METTL2A: variants seen among roughly 807,000 people sequenced by gnomAD.
The protein encoded by METTL2A is methyltransferase 2A, tRNA N3-cytidine.
In METTL2A, 45 loss-of-function variants were observed where a neutral mutation model predicts 49.4. That is an observed-to-expected ratio of 0.91 (90% CI 0.72 to 1.17). The LOEUF (loss-of-function observed/expected upper bound fraction) is 1.17. Among genes scored for constraint, METTL2A ranks in the 50% most tolerant of loss-of-function variants. METTL2A has a pLI of 0.00. For missense variants in METTL2A, 361 were observed against 462.2 expected (o/e 0.78, Z 2.01); for synonymous variants, 118 against 167.5 (o/e 0.70, Z 2.28).
At chr17:62,427,120 C>T (rs1033143463) in intron 3 of METTL2A, among the ~76,000 whole-genome samples, 7 of 152,074 alleles carry the variant, frequency 4.6e-5, no homozygotes, top group Non-Finnish European at 8.8e-5. Context: ...GTTGCAGAGT[C>T]TAGACCTGGA....
chr17:62,449,192 A>C lies in METTL2A; in HGVS notation c.*463A>C, dbSNP rs1312582706. ...TCCATGTGAAAAAGTGTTACATATG[A>C]CAAGTGTTTTTTGACTGTAATTGCG... On this transcript the variant is annotated 3_prime_UTR_variant, in exon 9 of 9. Coordinates refer to ENST00000311506, the MANE Select transcript of METTL2A (RefSeq NM_181725.4). The C allele has an allele frequency of 3.7e-6, 1 of 267,316 alleles. No homozygotes were observed. Among genetic ancestry groups the C allele is most frequent in the Non-Finnish European group, 7.4e-6 (1 of 136,050 alleles). The allele number at this position is 267,316 out of a possible 1,614,324, so 16.6% of individuals were successfully genotyped here.
rs1396756918 is a variant in METTL2A, at chr17:62,450,247, C to CATTTTT, written c.*1518_*1519insATTTTT. ...TGTGATCATTATCAGTGTTAGATGC[C>CATTTTT]TTTTTTTTTTTTTTTTTTTTTTTTT... On this transcript the variant is annotated 3_prime_UTR_variant, in exon 9 of 9. Coordinates refer to ENST00000311506, the MANE Select transcript of METTL2A (RefSeq NM_181725.4). 1.4e-4 allele frequency: 11 copies of CATTTTT among 80,540 alleles called. 1 individual carries two copies. Among genetic ancestry groups the CATTTTT allele is most frequent in the Admixed American group, 3.8e-4 (2 of 5,320 alleles). The allele number at this position is 80,540 out of a possible 1,614,324, so 5.0% of individuals were successfully genotyped here. A position where few individuals can be genotyped will look rare whatever the true frequency, so the allele number is the denominator to read the frequency against.
rs181982029 is a variant in METTL2A at position 62,432,348 on chromosome 17, G to A, written c.609-2884G>A. ...CTTCATATTCACCTTTTCTGCATCC[G>A]AGGATTCAAGCAATCATGGATTGAA... On this transcript the variant is annotated intron_variant, in intron 4 of 8. Transcript: ENST00000311506. Among the ~76,000 whole-genome samples, 205 of 152,214 alleles carry A rather than the reference G, an allele frequency of 1.3e-3. 1 individual carries two copies. The Middle Eastern group carries it at 0.014, about 10-fold the overall frequency.
chr17:62,444,185 CAG>C (rs1253822078), intron 6 of METTL2A, among the ~76,000 whole-genome samples: 1 of 152,232 alleles, frequency 6.6e-6, no homozygotes, highest in Non-Finnish European at 1.5e-5. Flanking sequence ...ACTGGATGCT[CAG>C]GATTCAGCTC....
intron 4 of METTL2A, among the ~76,000 whole-genome samples, chr17:62,432,538 ACCTGTAAT>A (rs1247929069): frequency 6.6e-6 from 1 of 152,056 alleles, no homozygotes; most frequent in African/African-American, 2.4e-5. Context: ...TGTGGCTCAC[ACCTGTAAT>A]CCCAGCACTT....
chr17:62,428,935 C>T (rs1311750547), intron 4 of METTL2A, among the ~76,000 whole-genome samples: 8 of 152,160 alleles, frequency 5.3e-5, no homozygotes, highest in African/African-American at 1.9e-4. Flanking sequence ...AGACACATGC[C>T]ACCATACCCA....
At chr17:62,429,162 A>G in intron 4 of METTL2A, among the ~76,000 whole-genome samples, 1 of 152,224 alleles carries the variant, frequency 6.6e-6, no homozygotes, top group East Asian at 1.9e-4. Flanking sequence ...AATAGTTTTC[A>G]TACAACATAA....
intron 4 of METTL2A, among the ~76,000 whole-genome samples, chr17:62,429,074 C>T (rs2070647472): frequency 6.6e-6 from 1 of 152,092 alleles, no homozygotes; most frequent in South Asian, 2.1e-4. Context: ...GCATAAGTCA[C>T]CGTTCCCAGC....
chr17:62,425,017 T>C (rs2070614008), intron 2 of METTL2A, among the ~76,000 whole-genome samples: 1 of 149,916 alleles, frequency 6.7e-6, no homozygotes, highest in South Asian at 2.1e-4. Flanking sequence ...TGACAGCAAC[T>C]AGATCAAAGC....
chr17:62,448,790 A>T lies in METTL2A; in HGVS notation c.*61A>T. 1 of 1,601,144 alleles carries T rather than the reference A, an allele frequency of 6.2e-7. No homozygotes were observed. The highest frequency in any genetic ancestry group is 1.3e-5 in the African/African-American group (1 of 74,526). Reference sequence around the variant, plus strand: ...TGTTTCCGGGCTTTTTTAAAAAAAAAATTGTAGCACTGGGCGTGGTGCATG... The same window carrying T: ...TGTTTCCGGGCTTTTTTAAAAAAAATATTGTAGCACTGGGCGTGGTGCATG... On this transcript the variant is annotated 3_prime_UTR_variant, in exon 9 of 9. Transcript: ENST00000311506.
At chr17:62,428,167 A>G (rs62074035) in intron 4 of METTL2A, among the ~76,000 whole-genome samples, 5,136 of 152,298 alleles carry the variant, frequency 0.034, 106 homozygotes, top group Non-Finnish European at 0.051. Context: ...GTTAACATTT[A>G]GCGCCTTCTT....
At chr17:62,434,132 T>C (rs1166743824) in intron 4 of METTL2A, among the ~76,000 whole-genome samples, 1 of 152,164 alleles carries the variant, frequency 6.6e-6, no homozygotes, top group African/African-American at 2.4e-5. Context: ...TTCGGAGCAG[T>C]GCTGTGGAAT....
intron 7 of METTL2A, among the ~76,000 whole-genome samples, chr17:62,445,760 G>A (rs1278673242): frequency 1.3e-5 from 2 of 150,888 alleles, no homozygotes; most frequent in African/African-American, 4.9e-5. Context: ...TCACACCATT[G>A]CACTCCAGCC....
intron 4 of METTL2A, 71 bp downstream of exon 4, chr17:62,427,908 C>T (rs1330277447): frequency 4.2e-6 from 6 of 1,420,754 alleles, no homozygotes; most frequent in South Asian, 2.7e-5. Flanking sequence ...CATTGCTTCA[C>T]GACAGTAATC....
At chr17:62,435,065 T>C in intron 4 of METTL2A, 167 bp from the exon 5 acceptor site, 2 of 1,051,066 alleles carry the variant, frequency 1.9e-6, no homozygotes, top group South Asian at 3.3e-5. Context: ...AGGATATAAT[T>C]CAAAAGGGAT....
At position 62,424,148 on chromosome 17, in the gene METTL2A, C is replaced by A. The variant is rs1486705149; in HGVS notation, c.111-71C>A. 46 of 1,606,962 alleles carry A rather than the reference C, an allele frequency of 2.9e-5. No individual in the cohort carries two copies. In the South Asian group the frequency reaches 4.4e-4, roughly 16 times the overall value. ...GGCACTCTCCAAGGGGAGAGAAACTCCTAGGCCAGCGACTCACCCTGCCCG... is the reference window on the plus strand; with the variant it reads ...GGCACTCTCCAAGGGGAGAGAAACTACTAGGCCAGCGACTCACCCTGCCCG... On this transcript the variant is annotated intron_variant, in intron 1 of 8. Transcript: ENST00000311506.
At chr17:62,429,037 C>T (rs561052916) in intron 4 of METTL2A, among the ~76,000 whole-genome samples, 56 of 152,292 alleles carry the variant, frequency 3.7e-4, no homozygotes, top group Middle Eastern at 3.4e-3. Flanking sequence ...CCTCTTGCCT[C>T]GGCCTCCCAA....
chr17:62,428,862 C>T (rs2070645754), intron 4 of METTL2A, among the ~76,000 whole-genome samples: 2 of 152,248 alleles, frequency 1.3e-5, no homozygotes, highest in Admixed American at 1.3e-4. Flanking sequence ...TAGCACACTG[C>T]AGGCTCAAAC....
At chr17:62,444,400 C>T (rs2070755714) in intron 6 of METTL2A, among the ~76,000 whole-genome samples, 1 of 152,236 alleles carries the variant, frequency 6.6e-6, no homozygotes, top group Admixed American at 6.5e-5. Flanking sequence ...CTGCCTCAGC[C>T]TCCTGAGTGT....
Sources: gnomAD v4.1 joint callset for allele counts (sites outside exome capture counted in the v4.1 genomes callset) on GRCh38, gnomAD v4.1.1 for gene constraint, MANE v1.5 for transcripts, NCBI Gene and HGNC (gene_info 2026-07-23, HGNC 2026-07-21) for gene names.